Variants in UBN2 observed in about 807,000 individuals in gnomAD.
The protein encoded by UBN2 is ubinuclein 2.
A neutral mutation model predicts 120.2 loss-of-function variants in UBN2; 35 were observed. The ratio of observed to expected loss-of-function variants is 0.29; its 90% CI spans 0.22 to 0.39. The LOEUF (loss-of-function observed/expected upper bound fraction) is 0.39. Among genes scored for constraint, UBN2 ranks in the 10% least tolerant of loss-of-function variants. The pLI is 1.00. For synonymous variants in UBN2, 661 were observed against 648.7 expected (o/e 1.02, Z -0.29); for missense variants, 1,693 against 1,663.2 (o/e 1.02, Z -0.31).
At chr7:139,329,234 A>G in the UBN2 span, among the ~76,000 whole-genome samples, 3 of 126,718 alleles carry the variant, frequency 2.4e-5, no homozygotes, top group African/African-American at 5.8e-5. Flanking sequence ...TTCTTTTCTT[A>G]CAGGGGCCTT....
rs1357706511 is a variant in UBN2 at position 139,279,253 on chromosome 7, A to G, written c.2025-65A>G. 4.0e-6 allele frequency: 5 copies of G among 1,245,836 alleles called. No homozygotes were observed. The African/African-American group carries it at 4.5e-5, about 11-fold the overall frequency. 77.2% of individuals were successfully genotyped at this position (1,245,836 alleles called of 1,614,324 possible). ...TTATTTACCACATAATTACAAAGCT[A>G]TATAACTTTCTAATGAGCAATATAA... On this transcript the variant is annotated intron_variant, in intron 12 of 17. Transcript: ENST00000473989.
Position 139,306,770 on chromosome 7 carries a change from C to T in UBN2, c.*8934C>T, listed in dbSNP as rs537597481. 6.6e-6 allele frequency: 1 copy of T among 152,146 alleles called. No individual in the cohort carries two copies. Among genetic ancestry groups the T allele is most frequent in the African/African-American group, 2.4e-5 (1 of 41,422 alleles). The allele number at this position is 152,146 out of a possible 1,614,324, so 9.4% of individuals were successfully genotyped here. A position where few individuals can be genotyped will look rare whatever the true frequency, so the allele number is the denominator to read the frequency against. Reference sequence around the variant, plus strand: ...GCCCTTGGATTTCACTTGTTAAACACCCTCAAACTTAAAAGAAGAAAATAG... The same window carrying T: ...GCCCTTGGATTTCACTTGTTAAACATCCTCAAACTTAAAAGAAGAAAATAG... On this transcript the variant is annotated 3_prime_UTR_variant, in exon 18 of 18. Coordinates refer to ENST00000473989, the MANE Select transcript of UBN2 (RefSeq NM_173569.4).
chr7:139,280,838 G>T (rs553220430), intron 13 of UBN2, among the ~76,000 whole-genome samples: 1 of 152,264 alleles, frequency 6.6e-6, no homozygotes, highest in South Asian at 2.1e-4. Context: ...CAGAGACGGG[G>T]TTTCACCATG....
At chr7:139,265,258 G>A (rs949317238) in intron 6 of UBN2, among the ~76,000 whole-genome samples, 1 of 151,974 alleles carries the variant, frequency 6.6e-6, no homozygotes, top group Non-Finnish European at 1.5e-5. Flanking sequence ...CACTTTGGGA[G>A]GCTGAGGCAG....
chr7:139,328,210 G>A, the UBN2 span, among the ~76,000 whole-genome samples: 5 of 152,204 alleles, frequency 3.3e-5, no homozygotes, highest in South Asian at 4.1e-4. Flanking sequence ...TGGCTGGGGA[G>A]GCCTCAGGAA....
intron 11 of UBN2, among the ~76,000 whole-genome samples, chr7:139,274,942 A>G (rs903103945): frequency 5.3e-5 from 8 of 152,000 alleles, no homozygotes; most frequent in Non-Finnish European, 8.8e-5. Context: ...GTGTAGAGAG[A>G]TATCTCAAGA....
At chr7:139,276,058 A>T (rs2131017999) in intron 11 of UBN2, 39 bp from the exon 12 acceptor site, 1 of 1,512,198 alleles carries the variant, frequency 6.6e-7, no homozygotes, top group Non-Finnish European at 9.1e-7. Context: ...ACTATCTGCT[A>T]TAAAGAAAAT....
At chr7:139,244,429 G>A (rs996564612) in intron 2 of UBN2, among the ~76,000 whole-genome samples, 3 of 152,088 alleles carry the variant, frequency 2.0e-5, no homozygotes, top group African/African-American at 4.8e-5. Flanking sequence ...CTACTTGGGA[G>A]GCTGAGGCAG....
the UBN2 span, among the ~76,000 whole-genome samples, chr7:139,313,768 T>C: frequency 1.3e-5 from 2 of 152,196 alleles, no homozygotes; most frequent in Non-Finnish European, 2.9e-5. Context: ...CCTAATTTTC[T>C]GGGAAGGTTG....
chr7:139,289,523 C>T (rs1797887802), intron 15 of UBN2, among the ~76,000 whole-genome samples: 1 of 151,214 alleles, frequency 6.6e-6, no homozygotes, highest in Admixed American at 6.6e-5. Flanking sequence ...AGCAGCTCTC[C>T]TGCCTCAGCC....
chr7:139,241,172 G>A (rs1320147670), intron 2 of UBN2, among the ~76,000 whole-genome samples: 1 of 152,120 alleles, frequency 6.6e-6, no homozygotes, highest in Non-Finnish European at 1.5e-5. Context: ...TGTTATCTTA[G>A]CCTTCTAGGA....
chr7:139,324,555 CAAA>C, the UBN2 span, among the ~76,000 whole-genome samples: 6 of 68,916 alleles, frequency 8.7e-5, no homozygotes, highest in South Asian at 5.1e-4. Context: ...GACTCCATCT[CAAA>C]AAAAAAAAAA....
At chr7:139,232,284 C>T (rs529164747) in intron 1 of UBN2, among the ~76,000 whole-genome samples, 2 of 152,366 alleles carry the variant, frequency 1.3e-5, no homozygotes, top group South Asian at 4.1e-4. Context: ...TCCTGGGGCC[C>T]TGCAGGCCGT....
chr7:139,326,509 A>T, the UBN2 span, among the ~76,000 whole-genome samples: 1 of 152,314 alleles, frequency 6.6e-6, no homozygotes, highest in East Asian at 1.9e-4. Context: ...ATTTATCATT[A>T]TCTGCCCACC....
chr7:139,258,012 G>C (rs562267244), intron 3 of UBN2, among the ~76,000 whole-genome samples: 3 of 152,150 alleles, frequency 2.0e-5, no homozygotes, highest in African/African-American at 7.2e-5. Flanking sequence ...GACCCCAGGT[G>C]ATCCACCCGC....
intron 14 of UBN2, among the ~76,000 whole-genome samples, chr7:139,282,603 A>G (rs1360502975): frequency 6.6e-6 from 1 of 152,210 alleles, no homozygotes; most frequent in African/African-American, 2.4e-5. Context: ...CAGAAAGTGA[A>G]GGTCAGCCTC....
chr7:139,318,114 C>G, the UBN2 span, among the ~76,000 whole-genome samples: 260 of 152,234 alleles, frequency 1.7e-3, 1 homozygote, highest in Admixed American at 0.015. Flanking sequence ...CCTGATCTGT[C>G]TTGTTCCATT....
chr7:139,322,005 C>A, the UBN2 span, among the ~76,000 whole-genome samples: 1 of 151,442 alleles, frequency 6.6e-6, no homozygotes, highest in Non-Finnish European at 1.5e-5. Flanking sequence ...GAGACAGAAT[C>A]TTGTGTCACC....
At chr7:139,247,578 G>C (rs529019041) in intron 2 of UBN2, among the ~76,000 whole-genome samples, 1 of 152,076 alleles carries the variant, frequency 6.6e-6, no homozygotes, top group South Asian at 2.1e-4. Flanking sequence ...CCTAGCCTTC[G>C]TTTTCCCCAT....
Sources: gnomAD v4.1 joint callset for allele counts (sites outside exome capture counted in the v4.1 genomes callset) on GRCh38, gnomAD v4.1.1 for gene constraint, MANE v1.5 for transcripts, NCBI Gene and HGNC (gene_info 2026-07-23, HGNC 2026-07-21) for gene names.